GMDS: variants seen among roughly 807,000 people sequenced by gnomAD.
The protein encoded by GMDS is GDP-mannose 4,6-dehydratase.
A neutral mutation model predicts 49.9 loss-of-function variants in GMDS; 20 were observed. The observed-to-expected ratio is 0.40, with a 90% CI of 0.28 to 0.58. The LOEUF is 0.58. GMDS is among the 20% of genes least tolerant of loss of function. The pLI, the probability that GMDS is intolerant of heterozygous loss-of-function variation, is 0.42. For synonymous variants in GMDS, 177 were observed against 178.6 expected (o/e 0.99, Z 0.07); for missense variants, 362 against 481.4 (o/e 0.75, Z 2.32).
At chr6:1,882,899 C>T (rs950037744) in intron 7 of GMDS, among the ~76,000 whole-genome samples, 1 of 152,132 alleles carries the variant, frequency 6.6e-6, no homozygotes, top group South Asian at 2.1e-4. Context: ...TAAAACAGAA[C>T]AAATCTCTAT....
At chr6:1,715,493 G>A (rs1042707698) in intron 9 of GMDS, among the ~76,000 whole-genome samples, 1 of 152,224 alleles carries the variant, frequency 6.6e-6, no homozygotes, top group African/African-American at 2.4e-5. Context: ...AGGTGGAAAT[G>A]ACCCATCACA....
chr6:1,850,501 T>C (rs1242940697), intron 7 of GMDS, among the ~76,000 whole-genome samples: 3 of 152,162 alleles, frequency 2.0e-5, no homozygotes, highest in Non-Finnish European at 2.9e-5. Context: ...TAACCCTGAA[T>C]GCACCTGTTA....
intron 1 of GMDS, among the ~76,000 whole-genome samples, chr6:2,145,270 C>A (rs1314272827): frequency 6.6e-6 from 1 of 152,170 alleles, no homozygotes; most frequent in South Asian, 2.1e-4. Context: ...CACGGTGGCT[C>A]ATGCCTGTAA....
chr6:2,022,869 T>C (rs1281977252), intron 4 of GMDS, among the ~76,000 whole-genome samples: 2 of 152,154 alleles, frequency 1.3e-5, no homozygotes, highest in Non-Finnish European at 2.9e-5. Flanking sequence ...AAAACTCCAA[T>C]AAGCCCTCTG....
intron 9 of GMDS, among the ~76,000 whole-genome samples, chr6:1,683,250 A>G (rs1170295312): frequency 1.3e-5 from 2 of 152,102 alleles, no homozygotes; most frequent in Non-Finnish European, 2.9e-5. Context: ...CAGCCTCCCG[A>G]GTAGCTGGGA....
rs142133819 is a variant in GMDS, at chr6:2,235,600, G to A, written c.102+9721C>T. On this transcript the variant is annotated intron_variant, in intron 1 of 10. Transcript: ENST00000380815. ...ATGGTAGAATTGCTTGAGCCAAGGAGTTTGAAACCAGCCTGAGCAGCACGG... is the reference window on the plus strand; with the variant it reads ...ATGGTAGAATTGCTTGAGCCAAGGAATTTGAAACCAGCCTGAGCAGCACGG... Among the ~76,000 whole-genome samples the A allele has an allele frequency of 4.0e-5, 6 of 151,380 alleles. No homozygotes were observed. In the East Asian group the frequency reaches 1.2e-3, roughly 29 times the overall value.
At chr6:1,881,415 T>C (rs904979977) in intron 7 of GMDS, among the ~76,000 whole-genome samples, 1 of 152,146 alleles carries the variant, frequency 6.6e-6, no homozygotes, top group Non-Finnish European at 1.5e-5. Context: ...GAAAGAAAGA[T>C]TGAAAATTAA....
chr6:1,898,622 GAA>G (rs1286016934), intron 7 of GMDS, among the ~76,000 whole-genome samples: 2 of 152,188 alleles, frequency 1.3e-5, no homozygotes, highest in African/African-American at 4.8e-5. Flanking sequence ...TAGCATGGAA[GAA>G]AGACTTTGAA....
chr6:1,735,075 A>C (rs2113465703), intron 8 of GMDS, among the ~76,000 whole-genome samples: 1 of 152,300 alleles, frequency 6.6e-6, no homozygotes, highest in East Asian at 1.9e-4. Flanking sequence ...ATAAGGATGG[A>C]GCTTCTGCTG....
chr6:1,707,425 A>G (rs1040874509), intron 9 of GMDS, among the ~76,000 whole-genome samples: 3 of 152,204 alleles, frequency 2.0e-5, no homozygotes, highest in African/African-American at 7.2e-5. Context: ...GAACAGCCAC[A>G]CAGTTGAGAG....
intron 9 of GMDS, among the ~76,000 whole-genome samples, chr6:1,709,539 T>C (rs746251233): frequency 3.9e-5 from 6 of 152,174 alleles, no homozygotes; most frequent in Non-Finnish European, 7.3e-5. Flanking sequence ...AAGGCCAACA[T>C]CTCAGAGGTG....
intron 7 of GMDS, among the ~76,000 whole-genome samples, chr6:1,776,172 G>A (rs1041919666): frequency 6.6e-6 from 1 of 152,166 alleles, no homozygotes; most frequent in Non-Finnish European, 1.5e-5. Flanking sequence ...AGAAGACACA[G>A]AGTTTTCTCA....
At chr6:1,985,088 C>T (rs995440418) in intron 4 of GMDS, among the ~76,000 whole-genome samples, 3 of 152,112 alleles carry the variant, frequency 2.0e-5, no homozygotes, top group African/African-American at 7.2e-5. Flanking sequence ...AAAAAAAGAT[C>T]AAAGAAGTTG....
rs1372750870 is a variant in GMDS, at chr6:2,191,727, G to C, written c.102+53594C>G. On this transcript the variant is annotated intron_variant, in intron 1 of 10. Coordinates refer to ENST00000380815, the MANE Select transcript of GMDS (RefSeq NM_001500.4). This position sits in a 1 kb window ranked among gnomAD's most constrained non-coding sequence, Gnocchi z 4.6. ...AAGCATGGGATGTGGAACCTAGGGG[G>C]ACACTGAGAGCAGCTTGATGCTGGC... Among the ~76,000 whole-genome samples, 1 of 152,232 alleles carries C rather than the reference G, an allele frequency of 6.6e-6. No homozygotes were observed. The highest frequency in any genetic ancestry group is 1.5e-5 in the Non-Finnish European group (1 of 68,038).
intron 1 of GMDS, among the ~76,000 whole-genome samples, chr6:2,152,439 A>G (rs915925262): frequency 2.0e-5 from 3 of 152,292 alleles, no homozygotes; most frequent in African/African-American, 7.2e-5. Context: ...ATTCAAAATC[A>G]GGAGTTTCCA....
chr6:1,708,976 T>A (rs568109512), intron 9 of GMDS, among the ~76,000 whole-genome samples: 1 of 152,344 alleles, frequency 6.6e-6, no homozygotes, highest in African/African-American at 2.4e-5. Flanking sequence ...AAAGCCTTCA[T>A]ACCTGGTGCC....
chr6:2,177,387 CA>C (rs879628801), intron 1 of GMDS, among the ~76,000 whole-genome samples: 3 of 151,972 alleles, frequency 2.0e-5, no homozygotes, highest in Middle Eastern at 3.2e-3. Flanking sequence ...GGCAGAAAAA[CA>C]ACGAAAAAAT....
At chr6:1,645,156 G>A (rs1189221773) in intron 9 of GMDS, among the ~76,000 whole-genome samples, 5 of 151,800 alleles carry the variant, frequency 3.3e-5, no homozygotes, top group African/African-American at 9.7e-5. Flanking sequence ...GGCTGGTCTC[G>A]AACTCCTGAC....
intron 7 of GMDS, among the ~76,000 whole-genome samples, chr6:1,763,420 G>A (rs144684477): frequency 1.0e-3 from 157 of 152,248 alleles, no homozygotes; most frequent in Non-Finnish European, 2.0e-3. Flanking sequence ...AAACCCCAGC[G>A]TCTCCCCAAG....
Sources: allele counts gnomAD v4.1 joint callset (sites outside exome capture counted in the v4.1 genomes callset), GRCh38; gene constraint gnomAD v4.1.1; non-coding constraint Gnocchi (gnomAD v3.1); transcripts MANE v1.5; gene names NCBI Gene and HGNC (gene_info 2026-07-23, HGNC 2026-07-21).